BMPER: variants seen among roughly 807,000 people sequenced by gnomAD.
The protein encoded by BMPER is BMP binding endothelial regulator.
A neutral mutation model predicts 87.3 loss-of-function variants in BMPER; 45 were observed. The ratio of observed to expected loss-of-function variants is 0.52; its 90% CI spans 0.41 to 0.66. The LOEUF (loss-of-function observed/expected upper bound fraction) is 0.66, where lower values mean the gene tolerates loss of function less well. BMPER is among the 30% of genes least tolerant of loss of function. BMPER has a pLI of 0.00. For missense variants in BMPER, 784 were observed against 867.5 expected (o/e 0.90, Z 1.21); for synonymous variants, 326 against 316.2 (o/e 1.03, Z -0.33).
At position 34,021,469 on chromosome 7, in the gene BMPER, C is replaced by T. The variant is rs188640779; in HGVS notation, c.577-24837C>T. Among the ~76,000 whole-genome samples the T allele has an allele frequency of 9.9e-5, 15 of 152,064 alleles. No individual in the cohort carries two copies. In the East Asian group the frequency reaches 1.6e-3, roughly 16 times the overall value. On this transcript the variant is annotated intron_variant, in intron 6 of 14. Coordinates refer to ENST00000649409, the MANE Select transcript of BMPER (RefSeq NM_001365308.1). The stretch of plus-strand genomic sequence containing the variant: ...AGGGACTGTTTAGGAAGGTTTAAAG[C>T]GAGATACTTTGCTTAGTTTTCACAG...
At chr7:34,117,687 A>G (rs1263352227) in intron 13 of BMPER, among the ~76,000 whole-genome samples, 2 of 152,190 alleles carry the variant, frequency 1.3e-5, no homozygotes. Context: ...TGGGTCTCTG[A>G]AAAGTTTTTG....
chr7:34,083,844 C>T (rs1407442258), intron 12 of BMPER, among the ~76,000 whole-genome samples: 1 of 152,096 alleles, frequency 6.6e-6, no homozygotes, highest in Non-Finnish European at 1.5e-5. Context: ...GTCCCATCAC[C>T]ACCTCATCTT....
intron 13 of BMPER, among the ~76,000 whole-genome samples, chr7:34,090,902 GT>G (rs1789362094): frequency 6.6e-6 from 1 of 152,214 alleles, no homozygotes; most frequent in Non-Finnish European, 1.5e-5. Flanking sequence ...CACTTGTTCA[GT>G]TTGGGAAAGT....
intron 2 of BMPER, among the ~76,000 whole-genome samples, chr7:33,933,448 T>G (rs1023847330): frequency 3.3e-5 from 5 of 150,964 alleles, no homozygotes; most frequent in Non-Finnish European, 7.4e-5. Context: ...TAGGTTTTTT[T>G]TTTTTTTTTT....
rs555601468 is a variant in BMPER at position 34,126,246 on chromosome 7, T to C, written c.1746-16984T>C. On this transcript the variant is annotated intron_variant, in intron 13 of 14. Coordinates refer to ENST00000649409, the MANE Select transcript of BMPER (RefSeq NM_001365308.1). Reference sequence around the variant, plus strand: ...TTCCAGATGATGAGCATGGCATTTTTAAGGAAAAGCAGGAAGGCCAGCCTG... The same window carrying C: ...TTCCAGATGATGAGCATGGCATTTTCAAGGAAAAGCAGGAAGGCCAGCCTG... Among the ~76,000 whole-genome samples, 3 of 152,280 alleles carry C rather than the reference T, an allele frequency of 2.0e-5. No homozygotes were observed. The East Asian group carries it at 5.8e-4, about 29-fold the overall frequency.
intron 6 of BMPER, among the ~76,000 whole-genome samples, chr7:34,027,664 G>A (rs1160687372): frequency 6.6e-6 from 1 of 152,036 alleles, no homozygotes; most frequent in Non-Finnish European, 1.5e-5. Context: ...TAAGAATTGA[G>A]TACTTGGCAG....
At chr7:33,978,727 G>A (rs1785759523) in intron 6 of BMPER, among the ~76,000 whole-genome samples, 2 of 152,174 alleles carry the variant, frequency 1.3e-5, no homozygotes, top group South Asian at 4.1e-4. Context: ...AGTTAAAAAT[G>A]CGTTTAACAC....
intron 11 of BMPER, among the ~76,000 whole-genome samples, chr7:34,065,197 ACACTCACT>A (rs796623291): frequency 6.2e-5 from 8 of 129,320 alleles, no homozygotes; most frequent in African/African-American, 1.8e-4. Context: ...ACACACATAC[ACACTCACT>A]CTCTCTCTCT....
At chr7:34,043,509 A>G (rs549065191) in intron 6 of BMPER, among the ~76,000 whole-genome samples, 2 of 152,316 alleles carry the variant, frequency 1.3e-5, no homozygotes, top group East Asian at 3.9e-4. Context: ...GCACTGTCAA[A>G]AGAAAAAGGC....
chr7:34,050,904 G>A (rs1788130988), intron 7 of BMPER, among the ~76,000 whole-genome samples: 1 of 152,148 alleles, frequency 6.6e-6, no homozygotes, highest in South Asian at 2.1e-4. Context: ...ACCTCTGCGT[G>A]CCCTTTGAGT....
At chr7:34,025,673 G>A (rs1787339547) in intron 6 of BMPER, among the ~76,000 whole-genome samples, 2 of 152,048 alleles carry the variant, frequency 1.3e-5, no homozygotes, top group African/African-American at 4.8e-5. Flanking sequence ...GAAAGCATGA[G>A]CCAGTGTGGG....
chr7:33,905,377 C>T, upstream of BMPER: 1 of 381,206 alleles, frequency 2.6e-6, no homozygotes, highest in Non-Finnish European at 4.7e-6. Flanking sequence ...AAAAAAAAGC[C>T]GCATCGGAGG....
Position 34,010,468 on chromosome 7 carries a change from T to C in BMPER, c.576+35684T>C, listed in dbSNP as rs575711932. Among the ~76,000 whole-genome samples, 14 of 152,096 alleles carry C rather than the reference T, an allele frequency of 9.2e-5. No individual in the cohort carries two copies. In the East Asian group the frequency reaches 2.7e-3, roughly 30 times the overall value. On this transcript the variant is annotated intron_variant, in intron 6 of 14. Coordinates refer to ENST00000649409, the MANE Select transcript of BMPER (RefSeq NM_001365308.1). ...CCATTCTTATATTTTGTAAAACAAT[T>C]TCATTCACCCTAATTATATGCAACT...
At chr7:34,091,309 A>G (rs1458066744) in intron 13 of BMPER, among the ~76,000 whole-genome samples, 3 of 152,244 alleles carry the variant, frequency 2.0e-5, no homozygotes, top group Non-Finnish European at 2.9e-5. Context: ...AATCAAGTCA[A>G]TTTCCCCTAC....
At chr7:34,074,808 T>C (rs1237356994) in intron 11 of BMPER, among the ~76,000 whole-genome samples, 1 of 152,220 alleles carries the variant, frequency 6.6e-6, no homozygotes, top group Non-Finnish European at 1.5e-5. Context: ...TTACGACATG[T>C]TAAGTAAAAA....
intron 2 of BMPER, among the ~76,000 whole-genome samples, chr7:33,920,150 G>T (rs1206153070): frequency 2.6e-5 from 4 of 152,070 alleles, no homozygotes; most frequent in Non-Finnish European, 2.9e-5. Flanking sequence ...CCCTTCCCTG[G>T]GCCTCTGCCC....
chr7:34,030,651 C>A (rs946090575), intron 6 of BMPER, among the ~76,000 whole-genome samples: 3 of 150,972 alleles, frequency 2.0e-5, no homozygotes, highest in Non-Finnish European at 4.4e-5. Context: ...GAGATGGGGT[C>A]TTCTCTGTTG....
At chr7:33,953,554 C>T (rs1785077901) in intron 3 of BMPER, among the ~76,000 whole-genome samples, 1 of 152,182 alleles carries the variant, frequency 6.6e-6, no homozygotes, top group South Asian at 2.1e-4. Flanking sequence ...GTAAAATACT[C>T]AGATGCCTGA....
chr7:33,975,577 A>T (rs2128619986), intron 6 of BMPER, among the ~76,000 whole-genome samples: 1 of 152,338 alleles, frequency 6.6e-6, no homozygotes, highest in African/African-American at 2.4e-5. Context: ...TGGTGGTGGT[A>T]GTGATGGGGA....
Sources: allele counts gnomAD v4.1 joint callset (sites outside exome capture counted in the v4.1 genomes callset), GRCh38; gene constraint gnomAD v4.1.1; transcripts MANE v1.5; gene names NCBI Gene and HGNC (gene_info 2026-07-23, HGNC 2026-07-21).